The following COL4A5 variants were observed in gnomAD, a reference collection of about 807,000 sequenced individuals.
COL4A5 encodes the protein collagen type IV alpha 5 chain.
A neutral mutation model predicts 130.2 loss-of-function variants in COL4A5; 26 were observed. The observed-to-expected ratio is 0.20, with a 90% CI of 0.15 to 0.28. COL4A5 has a LOEUF of 0.28. Ranked by LOEUF, COL4A5 falls within the 10% of genes least tolerant of loss-of-function variation. COL4A5 has a pLI of 1.00. For synonymous variants in COL4A5, 496 were observed against 439.6 expected (o/e 1.13, Z -1.60); for missense variants, 1,131 against 1,344.3 (o/e 0.84, Z 2.48).
At chrX:108,461,814 C>T (rs535137431) in intron 1 of COL4A5, among the ~76,000 whole-genome samples, 4 of 111,457 alleles carry the variant, frequency 3.6e-5, no homozygotes, top group Admixed American at 9.5e-5. Context: ...AGGCTGGTCT[C>T]GAACTCCTGA....
intron 1 of COL4A5, among the ~76,000 whole-genome samples, chrX:108,473,655 G>T (rs2064804604): frequency 5.0e-5 from 1 of 19,893 alleles, no homozygotes; most frequent in Non-Finnish European, 1.3e-4. Context: ...TTGAGATGAA[G>T]TCTTGCTCTC....
chrX:108,514,474 A>G (rs2065204482), intron 1 of COL4A5, among the ~76,000 whole-genome samples: 1 of 112,021 alleles, frequency 8.9e-6, no homozygotes, highest in Non-Finnish European at 1.9e-5. Context: ...CTAGTTTTGC[A>G]CTGCTCAGCT....
intron 17 of COL4A5, among the ~76,000 whole-genome samples, chrX:108,584,257 C>T (rs1403650444): frequency 9.1e-6 from 1 of 110,304 alleles, no homozygotes; most frequent in East Asian, 2.8e-4. Flanking sequence ...TCTATATAAA[C>T]CAGAGAAGTT....
At chrX:108,463,862 G>C (rs185881084) in intron 1 of COL4A5, among the ~76,000 whole-genome samples, 44 of 111,895 alleles carry the variant, frequency 3.9e-4, no homozygotes, top group Non-Finnish European at 8.1e-4. Context: ...TTGGAAAGAT[G>C]GACTGCTTTA....
intron 49 of COL4A5, 70 bp from the exon 50 acceptor site, chrX:108,692,678 A>G (rs907984123): frequency 9.6e-7 from 1 of 1,040,256 alleles, no homozygotes; most frequent in Non-Finnish European, 1.3e-6. Flanking sequence ...GCTGTTTGCT[A>G]TTGTTTTAGA....
At chrX:108,517,865 A>T (rs2065234353) in intron 1 of COL4A5, among the ~76,000 whole-genome samples, 1 of 110,922 alleles carries the variant, frequency 9.0e-6, no homozygotes, top group East Asian at 2.8e-4. Context: ...AATACTCATA[A>T]TATTTTATGT....
chrX:108,691,410 C>T (rs1416519272), intron 49 of COL4A5, among the ~76,000 whole-genome samples: 1 of 111,199 alleles, frequency 9.0e-6, no homozygotes, highest in African/African-American at 3.3e-5. Flanking sequence ...GTTAAAGTCT[C>T]CATTAACTCA....
At chrX:108,495,103 A>C (rs927946736) in intron 1 of COL4A5, among the ~76,000 whole-genome samples, 1 of 111,804 alleles carries the variant, frequency 8.9e-6, no homozygotes, top group Non-Finnish European at 1.9e-5. Flanking sequence ...AGCAAAAGCA[A>C]TTTAATAGAG....
chrX:108,460,902 ACCAGCCTCTCTCAATTCTATT>A (rs1419148814), intron 1 of COL4A5, among the ~76,000 whole-genome samples: 1 of 109,450 alleles, frequency 9.1e-6, no homozygotes, highest in Non-Finnish European at 1.9e-5. Flanking sequence ...CATTCTTAGC[ACCAGCCTCTCTCAATTCTATT>A]TGCTTGCTTA....
intron 21 of COL4A5, 149 bp from the exon 22 acceptor site, chrX:108,595,360 T>C (rs2066496005): frequency 2.0e-6 from 1 of 498,607 alleles, no homozygotes; most frequent in African/African-American, 2.3e-5. Context: ...AGTAATTTAT[T>C]TGTCATAAAT....
At chrX:108,535,681 A>G (rs772298161) in intron 1 of COL4A5, among the ~76,000 whole-genome samples, 42 of 111,396 alleles carry the variant, frequency 3.8e-4, no homozygotes, top group Non-Finnish European at 7.2e-4. Context: ...TTATAGTAAA[A>G]GAAATTATAA....
chrX:108,617,666 A>G (rs1177000396), intron 30 of COL4A5, among the ~76,000 whole-genome samples: 2 of 111,578 alleles, frequency 1.8e-5, no homozygotes, highest in African/African-American at 6.5e-5. Flanking sequence ...GATTCTTGTT[A>G]TTTTCTTTGG....
intron 1 of COL4A5, among the ~76,000 whole-genome samples, chrX:108,530,354 T>C (rs1408381586): frequency 1.8e-5 from 2 of 110,196 alleles, no homozygotes; most frequent in Non-Finnish European, 3.8e-5. Flanking sequence ...ATTTGACAAA[T>C]GGGATCTAAT....
At chrX:108,632,155 G>C (rs1315720981) in intron 36 of COL4A5, among the ~76,000 whole-genome samples, 1 of 111,071 alleles carries the variant, frequency 9.0e-6, no homozygotes. Context: ...TATCATCACC[G>C]ATCCCACAGA....
chrX:108,526,650 T>A (rs1219492179), intron 1 of COL4A5, among the ~76,000 whole-genome samples: 1 of 61,838 alleles, frequency 1.6e-5, no homozygotes, highest in South Asian at 8.2e-4. Flanking sequence ...CTTTCTTTCT[T>A]TCTTTCTTTC....
At chrX:108,582,726 C>A in intron 16 of COL4A5, 158 bp from the exon 17 acceptor site, 30 of 295,052 alleles carry the variant, frequency 1.0e-4, no homozygotes, top group Non-Finnish European at 1.1e-4. Context: ...TGAGAAAACA[C>A]TCCTTGAATT....
intron 2 of COL4A5, among the ~76,000 whole-genome samples, chrX:108,555,640 C>T (rs935407499): frequency 3.6e-5 from 4 of 111,144 alleles, no homozygotes; most frequent in African/African-American, 1.3e-4. Context: ...TAATATTTTC[C>T]TGTTTAATTT....
At chrX:108,558,738 C>G (rs1237849487) in intron 2 of COL4A5, among the ~76,000 whole-genome samples, 1 of 110,451 alleles carries the variant, frequency 9.1e-6, no homozygotes, top group East Asian at 2.8e-4. Context: ...TTAATGTAAC[C>G]CTTACAGATC....
chrX:108,692,412 C>T (rs749777584), intron 49 of COL4A5, among the ~76,000 whole-genome samples: 3 of 111,004 alleles, frequency 2.7e-5, no homozygotes, highest in East Asian at 2.8e-4. Context: ...GATAAGATAT[C>T]GTAAGGACTC....
Sources: gnomAD v4.1 joint callset for allele counts (sites outside exome capture counted in the v4.1 genomes callset) on GRCh38, gnomAD v4.1.1 for gene constraint, MANE v1.5 for transcripts, NCBI Gene and HGNC (gene_info 2026-07-23, HGNC 2026-07-21) for gene names.